Variants in RABGAP1L observed in about 807,000 individuals in gnomAD.
RABGAP1L encodes rab GTPase-activating protein 1-like.
RABGAP1L carries 63 observed loss-of-function variants against 137.7 expected under a neutral mutation model. That is an observed-to-expected ratio of 0.46 (90% CI 0.37 to 0.56). The LOEUF is 0.56. Among genes scored for constraint, RABGAP1L ranks in the 20% least tolerant of loss-of-function variants. The pLI is 0.00. For synonymous variants in RABGAP1L, 431 were observed against 433.7 expected (o/e 0.99, Z 0.08); for missense variants, 1,095 against 1,244.0 (o/e 0.88, Z 1.80).
chr1:174,536,328 G>T (rs1328472593), intron 13 of RABGAP1L, among the ~76,000 whole-genome samples: 1 of 151,820 alleles, frequency 6.6e-6, no homozygotes, highest in Non-Finnish European at 1.5e-5. Context: ...TTCTGAAACT[G>T]TGTATGTTTG....
chr1:174,467,204 G>C (rs895549961), intron 13 of RABGAP1L, among the ~76,000 whole-genome samples: 12 of 151,976 alleles, frequency 7.9e-5, no homozygotes, highest in South Asian at 2.1e-4. Context: ...CATCTTATAT[G>C]CCATCTGTCT....
intron 13 of RABGAP1L, among the ~76,000 whole-genome samples, chr1:174,504,360 A>G (rs776342059): frequency 3.3e-5 from 5 of 152,068 alleles, no homozygotes; most frequent in African/African-American, 4.8e-5. Context: ...GATTGTTTAA[A>G]TCTTATTTGT....
At chr1:174,684,803 A>G (rs1349444977) in intron 15 of RABGAP1L, among the ~76,000 whole-genome samples, 1 of 152,048 alleles carries the variant, frequency 6.6e-6, no homozygotes, top group African/African-American at 2.4e-5. Context: ...ATAATGAGAC[A>G]CCATCACTAC....
At chr1:174,183,598 A>G (rs983677150) in intron 1 of RABGAP1L, among the ~76,000 whole-genome samples, 1 of 152,218 alleles carries the variant, frequency 6.6e-6, no homozygotes, top group Non-Finnish European at 1.5e-5. Flanking sequence ...CAGCTGATGA[A>G]CCTACTTGAC....
intron 14 of RABGAP1L, among the ~76,000 whole-genome samples, chr1:174,680,059 A>C (rs1433893648): frequency 2.0e-5 from 3 of 152,222 alleles, no homozygotes; most frequent in Non-Finnish European, 2.9e-5. Flanking sequence ...AAAGACAAAA[A>C]CTATTAAACT....
chr1:174,527,474 G>A (rs921082896), intron 13 of RABGAP1L, among the ~76,000 whole-genome samples: 2 of 152,126 alleles, frequency 1.3e-5, no homozygotes, highest in African/African-American at 4.8e-5. Context: ...CCAAAGTGCT[G>A]GGATTACAGG....
chr1:174,397,117 A>G (rs1046480626), intron 13 of RABGAP1L, among the ~76,000 whole-genome samples: 5 of 152,312 alleles, frequency 3.3e-5, no homozygotes, highest in African/African-American at 1.2e-4. Context: ...ACTTCAGTTC[A>G]GCTGGGGTGA....
At chr1:174,450,931 A>G (rs1220189855) in intron 13 of RABGAP1L, among the ~76,000 whole-genome samples, 2 of 152,206 alleles carry the variant, frequency 1.3e-5, no homozygotes, top group African/African-American at 4.8e-5. Flanking sequence ...AAGGTCTTTT[A>G]GTAGAAATGT....
intron 18 of RABGAP1L, among the ~76,000 whole-genome samples, chr1:174,784,011 CTTTTTTTTTTTTT>C (rs3085670): frequency 5.2e-4 from 27 of 52,162 alleles, no homozygotes; most frequent in South Asian, 2.1e-3. Flanking sequence ...TCTTCTTCTT[CTTTTTTTTTTTTT>C]TTTTTTTTTT....
intron 13 of RABGAP1L, among the ~76,000 whole-genome samples, chr1:174,548,795 G>C (rs1336210855): frequency 6.6e-6 from 1 of 151,990 alleles, no homozygotes; most frequent in East Asian, 1.9e-4. Context: ...TAGCTGCATA[G>C]GTTTAAGTAA....
At chr1:174,666,880 CAGTAGT>C (rs1676822953) in intron 14 of RABGAP1L, among the ~76,000 whole-genome samples, 1 of 150,676 alleles carries the variant, frequency 6.6e-6, no homozygotes, top group Admixed American at 6.6e-5. Context: ...AGGTCAAGAG[CAGTAGT>C]AGTCATTGTG....
At chr1:174,278,902 T>A in intron 10 of RABGAP1L, 123 bp downstream of exon 10, 1 of 893,760 alleles carries the variant, frequency 1.1e-6, no homozygotes. Context: ...AATCAAATGA[T>A]ATTTGAAGTC....
chr1:174,800,078 T>G, intron 18 of RABGAP1L: 2 of 1,281,626 alleles, frequency 1.6e-6, no homozygotes, highest in Admixed American at 3.8e-5. Context: ...TTTTCTCGCA[T>G]TCGATTGCTT....
intron 19 of RABGAP1L, among the ~76,000 whole-genome samples, chr1:174,835,747 C>T (rs777931924): frequency 2.7e-4 from 41 of 151,992 alleles, no homozygotes; most frequent in Non-Finnish European, 4.9e-4. Flanking sequence ...AATTGTCAAA[C>T]GTGAAATAAA....
chr1:174,811,795 T>C (rs1381411147), intron 18 of RABGAP1L, 37 bp from the exon 19 acceptor site: 2 of 1,483,228 alleles, frequency 1.3e-6, no homozygotes, highest in Non-Finnish European at 9.0e-7. Context: ...CAAAGCAGGC[T>C]GAAATGTAAT....
chr1:174,563,761 G>A (rs1667379344), intron 13 of RABGAP1L, among the ~76,000 whole-genome samples: 1 of 152,034 alleles, frequency 6.6e-6, no homozygotes, highest in African/African-American at 2.4e-5. Flanking sequence ...CATCTCCAGT[G>A]GCACAGAATA....
chr1:174,366,783 A>C (rs1684663457), intron 11 of RABGAP1L, among the ~76,000 whole-genome samples: 1 of 49,002 alleles, frequency 2.0e-5, no homozygotes, highest in Non-Finnish European at 3.5e-5. Context: ...TCCAGGAAAA[A>C]AAAAAAAAAA....
intron 1 of RABGAP1L, among the ~76,000 whole-genome samples, chr1:174,162,775 C>CTTTTTTTTTTT (rs1571316527): frequency 4.3e-5 from 1 of 23,442 alleles, no homozygotes; most frequent in Non-Finnish European, 8.1e-5. Flanking sequence ...TTTTCTCTTT[C>CTTTTTTTTTTT]TGTTTTTTTT....
intron 13 of RABGAP1L, among the ~76,000 whole-genome samples, chr1:174,408,251 G>T (rs1649505138): frequency 6.6e-6 from 1 of 152,052 alleles, no homozygotes; most frequent in African/African-American, 2.4e-5. Flanking sequence ...ATTGTCTGTT[G>T]TTGCCATCTT....
Sources: gnomAD v4.1 joint callset for allele counts (sites outside exome capture counted in the v4.1 genomes callset) on GRCh38, gnomAD v4.1.1 for gene constraint, MANE v1.5 for transcripts, NCBI Gene and HGNC (gene_info 2026-07-23, HGNC 2026-07-21) for gene names.